Variants in GPATCH2 observed in about 807,000 individuals in gnomAD.
GPATCH2 encodes G patch domain-containing protein 2.
Under a neutral mutation model 58.0 loss-of-function variants are expected in GPATCH2, and 51 were observed. The observed-to-expected ratio is 0.88, with a 90% confidence interval of 0.70 to 1.11. The LOEUF is 1.11. Among genes scored for constraint, GPATCH2 ranks in the 50% most tolerant of loss-of-function variants. The pLI is 0.00. For missense variants in GPATCH2, 625 were observed against 652.2 expected (o/e 0.96, Z 0.45); for synonymous variants, 222 against 218.5 (o/e 1.02, Z -0.14).
At chr1:217,543,075 C>T (rs934117575) in intron 5 of GPATCH2, among the ~76,000 whole-genome samples, 2 of 152,102 alleles carry the variant, frequency 1.3e-5, no homozygotes, top group African/African-American at 4.8e-5. Context: ...CTACATCAGT[C>T]CACTTAGCCT....
intron 8 of GPATCH2, among the ~76,000 whole-genome samples, chr1:217,460,002 A>G (rs1241452824): frequency 6.6e-6 from 1 of 152,146 alleles, no homozygotes; most frequent in Non-Finnish European, 1.5e-5. Context: ...AGTAGAGAAT[A>G]TATATATTTA....
At chr1:217,494,676 G>A (rs945434579) in intron 7 of GPATCH2, among the ~76,000 whole-genome samples, 4 of 152,172 alleles carry the variant, frequency 2.6e-5, no homozygotes, top group Admixed American at 1.3e-4. Flanking sequence ...CTCGGGAGAC[G>A]GAGGTTGCAG....
chr1:217,553,697 A>G (rs1665470751), intron 5 of GPATCH2, among the ~76,000 whole-genome samples: 1 of 152,248 alleles, frequency 6.6e-6, no homozygotes, highest in Non-Finnish European at 1.5e-5. Flanking sequence ...TCAACACAAA[A>G]GCCTCACATG....
chr1:217,539,828 G>A (rs527512018), intron 5 of GPATCH2, among the ~76,000 whole-genome samples: 1 of 152,172 alleles, frequency 6.6e-6, no homozygotes, highest in Admixed American at 6.5e-5. Context: ...AGGAAACAAT[G>A]GCAATAGATA....
intron 1 of GPATCH2, among the ~76,000 whole-genome samples, chr1:217,624,907 T>C (rs146767692): frequency 1.3e-5 from 2 of 152,218 alleles, no homozygotes; most frequent in South Asian, 4.1e-4. Flanking sequence ...AGTTCATCAA[T>C]AGTTTTATTA....
intron 2 of GPATCH2, among the ~76,000 whole-genome samples, chr1:217,615,385 A>G (rs1246633239): frequency 6.6e-6 from 1 of 152,088 alleles, no homozygotes; most frequent in Non-Finnish European, 1.5e-5. Context: ...AAAGCTCCCT[A>G]TATTGTACAA....
chr1:217,583,071 C>T (rs553086895), intron 5 of GPATCH2, among the ~76,000 whole-genome samples: 1 of 152,206 alleles, frequency 6.6e-6, no homozygotes, highest in Admixed American at 6.5e-5. Context: ...ATAATTACTG[C>T]ATGTATTAGA....
chr1:217,453,136 A>C (rs1464885902), intron 8 of GPATCH2, among the ~76,000 whole-genome samples: 1 of 152,230 alleles, frequency 6.6e-6, no homozygotes, highest in Non-Finnish European at 1.5e-5. Flanking sequence ...AGTCTAAATG[A>C]GTCATTTGTC....
At chr1:217,622,834 G>T (rs528284745) in intron 1 of GPATCH2, among the ~76,000 whole-genome samples, 2 of 152,250 alleles carry the variant, frequency 1.3e-5, no homozygotes, top group African/African-American at 4.8e-5. Flanking sequence ...GAGCCACCAC[G>T]CCCAGCCCCA....
chr1:217,597,344 TAAA>T (rs746764158), intron 5 of GPATCH2, among the ~76,000 whole-genome samples: 1 of 134,312 alleles, frequency 7.4e-6, no homozygotes, highest in Non-Finnish European at 1.6e-5. Context: ...TCTTGTCTCT[TAAA>T]AAAAAAAAAA....
rs1283680133 is a variant in GPATCH2, at chr1:217,596,105, AGAAG to A, written c.1098+14212_1098+14215del. On this transcript the variant is annotated intron_variant, in intron 5 of 9. Transcript: ENST00000366935. ...TGAAGTGGTAGAAGAAAGAATTGAT[AGAAG>A]GAAGGATGAAGAGTATCTTTACATT... Among the ~76,000 whole-genome samples the A allele has an allele frequency of 2.6e-5, 4 of 152,302 alleles. No individual in the cohort carries two copies. The East Asian group carries it at 5.8e-4, about 22-fold the overall frequency.
At chr1:217,496,657 G>C (rs977793806) in intron 7 of GPATCH2, among the ~76,000 whole-genome samples, 1 of 152,036 alleles carries the variant, frequency 6.6e-6, no homozygotes, top group East Asian at 1.9e-4. Context: ...CGATGTTAAT[G>C]AATCAACAAC....
intron 5 of GPATCH2, chr1:217,609,180 T>G (rs1017868187): frequency 1.2e-4 from 114 of 981,378 alleles, no homozygotes; most frequent in Non-Finnish European, 1.4e-4. Context: ...GTGTCTAAAT[T>G]ATACCATCAA....
chr1:217,523,902 T>C (rs532065584), intron 5 of GPATCH2, among the ~76,000 whole-genome samples: 23 of 107,862 alleles, frequency 2.1e-4, no homozygotes, highest in Admixed American at 3.7e-4. Context: ...GGCGGGGGGC[T>C]GACCCCCACA....
chr1:217,620,585 T>C lies in GPATCH2; in HGVS notation c.57-86A>G, dbSNP rs549725122. 14 of 784,418 alleles carry C rather than the reference T, an allele frequency of 1.8e-5. No individual in the cohort carries two copies. The African/African-American group carries it at 2.6e-4, about 14-fold the overall frequency. 48.6% of individuals were successfully genotyped at this position (784,418 alleles called of 1,614,324 possible). A position where few individuals can be genotyped will look rare whatever the true frequency, so the allele number is the denominator to read the frequency against. On this transcript the variant is annotated intron_variant, in intron 1 of 9. Coordinates refer to ENST00000366935, the MANE Select transcript of GPATCH2 (RefSeq NM_018040.5). ...TCTATAACAGACAATTCATTCTAAA[T>C]TCGACAAAAATTAATGATTACAAAA... is the stretch of plus-strand genomic sequence containing the variant.
At chr1:217,534,392 A>G (rs945339997) in intron 5 of GPATCH2, among the ~76,000 whole-genome samples, 3 of 152,202 alleles carry the variant, frequency 2.0e-5, no homozygotes, top group African/African-American at 7.2e-5. Context: ...ACTGTAATTT[A>G]ATCTTATTAT....
At chr1:217,596,284 G>C (rs1057135437) in intron 5 of GPATCH2, among the ~76,000 whole-genome samples, 3 of 152,084 alleles carry the variant, frequency 2.0e-5, no homozygotes, top group African/African-American at 7.2e-5. Context: ...TAGGCAATTA[G>C]GTCTATCCAA....
At chr1:217,480,590 C>CA (rs946529194) in intron 8 of GPATCH2, among the ~76,000 whole-genome samples, 3 of 152,122 alleles carry the variant, frequency 2.0e-5, no homozygotes, top group Admixed American at 2.0e-4. Flanking sequence ...GGAGGTTCCT[C>CA]AAAAAACTAA....
At chr1:217,478,158 C>G (rs1437328741) in intron 8 of GPATCH2, among the ~76,000 whole-genome samples, 2 of 152,132 alleles carry the variant, frequency 1.3e-5, no homozygotes, top group African/African-American at 4.8e-5. Flanking sequence ...CTTTTAATAT[C>G]TGGAAAGCCT....
Sources: gnomAD v4.1 joint callset for allele counts (sites outside exome capture counted in the v4.1 genomes callset) on GRCh38, gnomAD v4.1.1 for gene constraint, MANE v1.5 for transcripts, NCBI Gene and HGNC (gene_info 2026-07-23, HGNC 2026-07-21) for gene names.